MYL4: variants seen among roughly 807,000 people sequenced by gnomAD.
MYL4 encodes atrial myosin light chain 1.
Under a neutral mutation model 21.6 loss-of-function variants are expected in MYL4, and 16 were observed. The observed-to-expected ratio is 0.74, with a 90% confidence interval of 0.50 to 1.12. The LOEUF is 1.12. Among genes scored for constraint, MYL4 ranks in the 50% most tolerant of loss-of-function variants. The pLI, the probability that MYL4 is intolerant of heterozygous loss-of-function variation, is 0.00. For synonymous variants in MYL4, 82 were observed against 95.7 expected (o/e 0.86, Z 0.83); for missense variants, 249 against 252.9 (o/e 0.98, Z 0.11).
At chr17:47,197,025 CT>C (rs11434844), upstream of MYL4, among the ~76,000 whole-genome samples, 839 of 145,838 alleles carry the variant, frequency 5.8e-3, 2 homozygotes, top group Non-Finnish European at 9.0e-3. Flanking sequence ...AAACATGATG[CT>C]TTTTTTTTGA....
chr17:47,223,752 T>TGTGTGTGTGA (rs1010943565), downstream of MYL4: 7 of 151,550 alleles, frequency 4.6e-5, no homozygotes, highest in African/African-American at 1.7e-4. Context: ...TGTGTGTGTG[T>TGTGTGTGTGA]GAGAGAGAGA....
At chr17:47,214,983 C>T (rs907104056) in intron 2 of MYL4, among the ~76,000 whole-genome samples, 4 of 152,120 alleles carry the variant, frequency 2.6e-5, no homozygotes, top group Non-Finnish European at 5.9e-5. Context: ...AGATTGTTTC[C>T]GGTGGGAGGA....
chr17:47,226,064 G>A (rs1398704921), downstream of MYL4, among the ~76,000 whole-genome samples: 2 of 151,880 alleles, frequency 1.3e-5, no homozygotes, highest in African/African-American at 4.8e-5. Flanking sequence ...AGTATTTATT[G>A]CTCACTGTAT....
chr17:47,212,192 G>T (rs971482134), intron 1 of MYL4, among the ~76,000 whole-genome samples: 1 of 151,994 alleles, frequency 6.6e-6, no homozygotes, highest in African/African-American at 2.4e-5. Context: ...CTCCAGCCTG[G>T]GTGACAAGTG....
chr17:47,200,101 G>T (rs527600535), upstream of MYL4, among the ~76,000 whole-genome samples: 1 of 148,956 alleles, frequency 6.7e-6, no homozygotes, highest in South Asian at 2.2e-4. Flanking sequence ...AGGAGAGTTG[G>T]TGGCAGAATT....
At position 47,210,276 on chromosome 17, in the gene MYL4, C is replaced by T. The variant is rs141898907; in HGVS notation, c.135+719C>T. On this transcript the variant is annotated intron_variant, in intron 1 of 6. Transcript: ENST00000393450. ...CCTTTGCCCCACCCTGCTCTCCTCA[C>T]ACAAAACATTCCTCTCCCTGGAGCT... Among the ~76,000 whole-genome samples, 68 of 152,292 alleles carry T rather than the reference C, an allele frequency of 4.5e-4. No individual in the cohort carries two copies. In the East Asian group the frequency reaches 0.011, roughly 24 times the overall value.
chr17:47,209,905 C>T (rs1268015464), intron 1 of MYL4, among the ~76,000 whole-genome samples: 2 of 152,092 alleles, frequency 1.3e-5, no homozygotes, highest in Non-Finnish European at 2.9e-5. Context: ...AACAGACTAG[C>T]CTTTTCCTAG....
chr17:47,203,262 C>T (rs1420796721), intron 1 of MYL4, among the ~76,000 whole-genome samples: 1 of 152,118 alleles, frequency 6.6e-6, no homozygotes, highest in Non-Finnish European at 1.5e-5. Context: ...CTTTCATATC[C>T]CTTTTTTTAA....
chr17:47,212,067 A>C (rs1361926029), intron 1 of MYL4, among the ~76,000 whole-genome samples: 1 of 152,172 alleles, frequency 6.6e-6, no homozygotes. Context: ...TCTACTAAAA[A>C]TACAAAAATT....
chr17:47,215,603 C>T lies in MYL4; in HGVS notation c.163+1777C>T, dbSNP rs117063581. Among the ~76,000 whole-genome samples the T allele has an allele frequency of 2.9e-3, 439 of 152,258 alleles. 11 individuals carry two copies. In the East Asian group the frequency reaches 0.056, roughly 19 times the overall value. Reference sequence around the variant, plus strand: ...TCTTCCATTATTGGCCATGAGACTTCGGACAAGTCACTTCTTTAAATCTTA... The same window carrying T: ...TCTTCCATTATTGGCCATGAGACTTTGGACAAGTCACTTCTTTAAATCTTA... On this transcript the variant is annotated intron_variant, in intron 2 of 6. Transcript: ENST00000393450.
At chr17:47,211,458 A>G (rs1307184255) in intron 1 of MYL4, among the ~76,000 whole-genome samples, 1 of 152,152 alleles carries the variant, frequency 6.6e-6, no homozygotes, top group Admixed American at 6.6e-5. Context: ...GTGTGTAGTT[A>G]GGACCACGTC....
chr17:47,203,751 G>T (rs11869591), intron 1 of MYL4, among the ~76,000 whole-genome samples: 12,667 of 152,188 alleles, frequency 0.083, 605 homozygotes, highest in African/African-American at 0.12. Flanking sequence ...TGGCCATACA[G>T]GTTGTTCTGT....
chr17:47,225,909 C>T (rs1426983563), downstream of MYL4, among the ~76,000 whole-genome samples: 2 of 140,598 alleles, frequency 1.4e-5, no homozygotes, highest in African/African-American at 2.7e-5. Context: ...TTCAGGGGCA[C>T]ATGTGCAGGT....
At chr17:47,201,900 T>C (rs886339184) in intron 1 of MYL4, among the ~76,000 whole-genome samples, 1 of 152,234 alleles carries the variant, frequency 6.6e-6, no homozygotes, top group Non-Finnish European at 1.5e-5. Context: ...TATGTGTGTA[T>C]TATTAAAAAT....
intron 1 of MYL4, among the ~76,000 whole-genome samples, chr17:47,201,811 A>G (rs1445048317): frequency 2.7e-5 from 4 of 150,274 alleles, no homozygotes; most frequent in Non-Finnish European, 5.9e-5. Context: ...AACCACACCC[A>G]CTCTAGGCAA....
intron 2 of MYL4, among the ~76,000 whole-genome samples, chr17:47,218,979 G>A (rs8078960): frequency 1.3e-5 from 2 of 152,166 alleles, no homozygotes; most frequent in Admixed American, 6.5e-5. Context: ...ACAATTTGTC[G>A]ATTCCCTTAC....
intron 5 of MYL4, 91 bp downstream of exon 5, chr17:47,222,548 T>C: frequency 8.1e-7 from 1 of 1,229,618 alleles, no homozygotes; most frequent in South Asian, 1.3e-5. Flanking sequence ...GGAGGGTATG[T>C]GTCTGAGGTG....
At chr17:47,196,498 T>A (rs2064689566), upstream of MYL4, among the ~76,000 whole-genome samples, 1 of 152,226 alleles carries the variant, frequency 6.6e-6, no homozygotes, top group South Asian at 2.1e-4. Context: ...TATATTGTTC[T>A]TTGAAAAACA....
chr17:47,221,671 C>T lies in MYL4; in HGVS notation c.314-11C>T, dbSNP rs940020599. The T allele has an allele frequency of 1.2e-5, 20 of 1,608,492 alleles. No homozygotes were observed. Among genetic ancestry groups the T allele is most frequent in the Admixed American group, 6.7e-5 (4 of 59,796 alleles). On this transcript the variant is annotated splice_polypyrimidine_tract_variant and intron_variant, in intron 3 of 6. Transcript: ENST00000393450. ...CATTGATTTCTCTTTCTTTACCCTGCCTGCCTGAAGAGATGAATGTCAAGA... is the reference window on the plus strand; with the variant it reads ...CATTGATTTCTCTTTCTTTACCCTGTCTGCCTGAAGAGATGAATGTCAAGA...
Sources: allele counts gnomAD v4.1 joint callset (sites outside exome capture counted in the v4.1 genomes callset), GRCh38; gene constraint gnomAD v4.1.1; transcripts MANE v1.5; gene names NCBI Gene and HGNC (gene_info 2026-07-23, HGNC 2026-07-21).